POLR3B: variants seen among roughly 807,000 people sequenced by gnomAD.
POLR3B encodes the protein RNA polymerase III subunit B.
In POLR3B, 96 loss-of-function variants were observed where a neutral mutation model predicts 147.4. The observed-to-expected ratio is 0.65, with a 90% CI of 0.55 to 0.77. The LOEUF is 0.77. Ranked by LOEUF, POLR3B falls within the 30% of genes least tolerant of loss-of-function variation. The pLI is 0.00. For synonymous variants in POLR3B, 461 were observed against 485.9 expected, an observed-to-expected ratio of 0.95 and a Z score of 0.67; for missense variants, 1,036 against 1,413.5, an observed-to-expected ratio of 0.73 and a Z score of 4.28.
intron 27 of POLR3B, among the ~76,000 whole-genome samples, chr12:106,508,152 C>T (rs891969108): frequency 6.6e-6 from 1 of 152,190 alleles, no homozygotes; most frequent in African/African-American, 2.4e-5. Flanking sequence ...GTGTCCACAA[C>T]AGCAGGTCTA....
At chr12:106,490,977 A>G (rs187220456) in intron 23 of POLR3B, among the ~76,000 whole-genome samples, 10 of 152,264 alleles carry the variant, frequency 6.6e-5, no homozygotes, top group African/African-American at 2.4e-4. Flanking sequence ...GACCTGCACA[A>G]CCCAGGAAGG....
At chr12:106,464,934 A>G (rs1047105102) in intron 23 of POLR3B, among the ~76,000 whole-genome samples, 2 of 152,188 alleles carry the variant, frequency 1.3e-5, no homozygotes, top group African/African-American at 4.8e-5. Context: ...GACAGAGGCA[A>G]GATTATTTTA....
intron 19 of POLR3B, among the ~76,000 whole-genome samples, chr12:106,451,552 G>A (rs1304697772): frequency 6.7e-6 from 1 of 148,680 alleles, no homozygotes; most frequent in Non-Finnish European, 1.5e-5. Flanking sequence ...AACCCAGGAG[G>A]CAGAGGTTGC....
At chr12:106,426,399 C>T (rs1393877908) in intron 12 of POLR3B, among the ~76,000 whole-genome samples, 1 of 151,788 alleles carries the variant, frequency 6.6e-6, no homozygotes, top group Non-Finnish European at 1.5e-5. Flanking sequence ...TACAGGCACC[C>T]GCCACCAGAC....
intron 26 of POLR3B, among the ~76,000 whole-genome samples, chr12:106,503,089 AC>A (rs1005810354): frequency 6.6e-4 from 100 of 152,218 alleles, no homozygotes; most frequent in African/African-American, 2.3e-3. Flanking sequence ...GGGAGCAACT[AC>A]CCATTTGTGT....
intron 23 of POLR3B, among the ~76,000 whole-genome samples, chr12:106,490,541 A>G (rs2038393631): frequency 6.6e-6 from 1 of 152,182 alleles, no homozygotes; most frequent in African/African-American, 2.4e-5. Flanking sequence ...AATTATGTCA[A>G]CCGGTATATG....
At chr12:106,397,419 C>T (rs2036994046) in intron 10 of POLR3B, among the ~76,000 whole-genome samples, 1 of 152,158 alleles carries the variant, frequency 6.6e-6, no homozygotes, top group Non-Finnish European at 1.5e-5. Flanking sequence ...TCAATCTTTA[C>T]CTCTACTCTC....
intron 27 of POLR3B, among the ~76,000 whole-genome samples, chr12:106,505,851 A>G (rs2038679224): frequency 6.6e-6 from 1 of 152,236 alleles, no homozygotes; most frequent in African/African-American, 2.4e-5. Context: ...ATCCTGAGCT[A>G]CTAATTTCTA....
rs147856942 is a variant in POLR3B at position 106,468,514 on chromosome 12, A to G, written c.2713+4894A>G. Among the ~76,000 whole-genome samples, 1,073 of 152,094 alleles carry G rather than the reference A, an allele frequency of 7.1e-3. 12 individuals are homozygous for G. The highest frequency in any genetic ancestry group is 0.024 in the African/African-American group (1,006 of 41,490). ...TGAATGTGTTTGCTCTTGCTTCTCT[A>G]GTTCTTTTAATTGTGATGTTAGGGT... On this transcript the variant is annotated intron_variant, in intron 23 of 27. Coordinates refer to ENST00000228347, the MANE Select transcript of POLR3B (RefSeq NM_018082.6).
chr12:106,442,005 G>A (rs1464502064), intron 18 of POLR3B, among the ~76,000 whole-genome samples: 3 of 151,640 alleles, frequency 2.0e-5, no homozygotes, highest in Non-Finnish European at 4.4e-5. Flanking sequence ...ACTTGAACCC[G>A]GGAGGCGGAG....
intron 19 of POLR3B, chr12:106,446,431 A>G (rs987319149): frequency 4.6e-5 from 16 of 344,736 alleles, no homozygotes; most frequent in Middle Eastern, 1.1e-3. Flanking sequence ...AAAAAAAAAA[A>G]AAAAGAAAAG....
chr12:106,393,791 C>CAT, intron 10 of POLR3B, among the ~76,000 whole-genome samples: 1 of 151,848 alleles, frequency 6.6e-6, no homozygotes, highest in African/African-American at 2.4e-5. Context: ...CACACACACA[C>CAT]ACACACACAC....
chr12:106,473,905 A>G (rs1438660066), intron 23 of POLR3B, among the ~76,000 whole-genome samples: 9 of 151,316 alleles, frequency 5.9e-5, no homozygotes, highest in Non-Finnish European at 1.2e-4. Context: ...CACTATGTTG[A>G]ATAGGAGTGG....
At chr12:106,376,822 C>T (rs2036687355) in intron 7 of POLR3B, among the ~76,000 whole-genome samples, 1 of 152,112 alleles carries the variant, frequency 6.6e-6, no homozygotes, top group African/African-American at 2.4e-5. Flanking sequence ...TTTGCTATGT[C>T]ATCCTGGCTG....
At chr12:106,427,076 T>G in intron 12 of POLR3B, 121 bp from the exon 13 acceptor site, 2 of 697,566 alleles carry the variant, frequency 2.9e-6, no homozygotes, top group Non-Finnish European at 4.8e-6. Flanking sequence ...ATAGCAATTT[T>G]TTTTCTGTTT....
At chr12:106,387,106 C>T (rs2036850927) in intron 9 of POLR3B, among the ~76,000 whole-genome samples, 1 of 152,156 alleles carries the variant, frequency 6.6e-6, no homozygotes, top group Admixed American at 6.5e-5. Context: ...ACATTCCTTG[C>T]ATTATTTAAA....
chr12:106,460,966 T>C (rs1397605533), intron 22 of POLR3B, among the ~76,000 whole-genome samples: 4 of 152,112 alleles, frequency 2.6e-5, no homozygotes, highest in Admixed American at 6.5e-5. Flanking sequence ...GTCGTCTCCA[T>C]TTCTACTTTG....
chr12:106,401,009 A>T (rs1028167594), intron 10 of POLR3B, among the ~76,000 whole-genome samples: 17 of 152,290 alleles, frequency 1.1e-4, no homozygotes, highest in Non-Finnish European at 1.8e-4. Flanking sequence ...GACACAAAAA[A>T]CCCTTCAAAA....
intron 12 of POLR3B, among the ~76,000 whole-genome samples, chr12:106,420,687 C>A (rs1314823908): frequency 3.3e-5 from 5 of 152,210 alleles, no homozygotes; most frequent in Non-Finnish European, 4.4e-5. Context: ...ACTTACTGTT[C>A]TATCCCGTTG....
Sources: gnomAD v4.1 joint callset for allele counts (sites outside exome capture counted in the v4.1 genomes callset) on GRCh38, gnomAD v4.1.1 for gene constraint, MANE v1.5 for transcripts, NCBI Gene and HGNC (gene_info 2026-07-23, HGNC 2026-07-21) for gene names.